The following SLC35F3 variants were observed in gnomAD, a reference collection of about 807,000 sequenced individuals.
SLC35F3 encodes the protein putative thiamine transporter SLC35F3.
SLC35F3 carries 25 observed loss-of-function variants against 49.9 expected under a neutral mutation model. That is an observed-to-expected ratio of 0.50 (90% confidence interval 0.37 to 0.70). The LOEUF (loss-of-function observed/expected upper bound fraction) is 0.70. Ranked by LOEUF, SLC35F3 falls within the 30% of genes least tolerant of loss-of-function variation. The probability of loss-of-function intolerance (pLI) is 0.00; values close to 1 mark genes in which losing one functional copy is unlikely to be tolerated. For missense variants in SLC35F3, 525 were observed against 639.8 expected, an observed-to-expected ratio of 0.82 and a Z score of 1.94; for synonymous variants, 275 against 265.4, an observed-to-expected ratio of 1.04 and a Z score of -0.35.
intron 2 of SLC35F3, among the ~76,000 whole-genome samples, chr1:233,936,385 A>G (rs973209759): frequency 2.6e-5 from 4 of 152,210 alleles, no homozygotes; most frequent in African/African-American, 9.6e-5. Context: ...CTGTATCATA[A>G]TATCGTCTCT....
intron 7 of SLC35F3, among the ~76,000 whole-genome samples, chr1:234,322,650 CGTGTGTGTGTGTGT>C (rs55827503): frequency 4.1e-5 from 6 of 144,960 alleles, no homozygotes; most frequent in South Asian, 2.3e-4. Flanking sequence ...GGGTCAAATG[CGTGTGTGTGTGTGT>C]GTGTGTGTGT....
chr1:233,960,309 C>A (rs1662773995), intron 2 of SLC35F3, among the ~76,000 whole-genome samples: 1 of 152,194 alleles, frequency 6.6e-6, no homozygotes, highest in African/African-American at 2.4e-5. Context: ...CAGGAGAAGA[C>A]ACAGTGAGGA....
chr1:234,166,087 T>C (rs1666314317), intron 2 of SLC35F3, among the ~76,000 whole-genome samples: 2 of 152,246 alleles, frequency 1.3e-5, no homozygotes, highest in African/African-American at 4.8e-5. Flanking sequence ...GCATTTTCTT[T>C]ATCCACTCAT....
chr1:234,149,371 C>G (rs1666039839), intron 2 of SLC35F3, among the ~76,000 whole-genome samples: 1 of 152,174 alleles, frequency 6.6e-6, no homozygotes. Flanking sequence ...CTCACAGCGC[C>G]CACATTTTTA....
intron 3 of SLC35F3, among the ~76,000 whole-genome samples, chr1:234,280,447 G>A (rs908851727): frequency 1.1e-4 from 17 of 152,162 alleles, no homozygotes; most frequent in Admixed American, 2.6e-4. Flanking sequence ...AGCTGAAACC[G>A]GTTTTCTGTT....
chr1:234,069,551 G>A (rs2358197), intron 2 of SLC35F3, among the ~76,000 whole-genome samples: 3,234 of 152,148 alleles, frequency 0.021, 123 homozygotes, highest in African/African-American at 0.074. Flanking sequence ...CACCGCACCC[G>A]GCTGAGATTT....
At chr1:234,107,887 G>A (rs1328643416) in intron 2 of SLC35F3, among the ~76,000 whole-genome samples, 1 of 152,058 alleles carries the variant, frequency 6.6e-6, no homozygotes, top group East Asian at 1.9e-4. Context: ...TAGACTGACT[G>A]AGCAACTCCC....
chr1:233,923,596 G>A (rs1284351469), intron 2 of SLC35F3, among the ~76,000 whole-genome samples: 1 of 152,126 alleles, frequency 6.6e-6, no homozygotes, highest in African/African-American at 2.4e-5. Context: ...TCTGCAAACA[G>A]GGACAATTTG....
intron 2 of SLC35F3, among the ~76,000 whole-genome samples, chr1:234,108,623 G>A (rs1665335580): frequency 9.0e-6 from 1 of 110,644 alleles, no homozygotes; most frequent in Non-Finnish European, 1.7e-5. Flanking sequence ...ATATATAAAA[G>A]ATATATATAT....
chr1:233,976,261 A>T (rs1214633107), intron 2 of SLC35F3, among the ~76,000 whole-genome samples: 1 of 152,234 alleles, frequency 6.6e-6, no homozygotes, highest in Non-Finnish European at 1.5e-5. Flanking sequence ...GAAAAAGCAG[A>T]AATTGTCACT....
At chr1:234,021,553 A>T (rs887263209) in intron 2 of SLC35F3, among the ~76,000 whole-genome samples, 2 of 152,220 alleles carry the variant, frequency 1.3e-5, no homozygotes, top group South Asian at 2.1e-4. Context: ...ATCAGGCCTG[A>T]TTGTATTAAT....
chr1:234,103,393 T>A (rs1665240714), intron 2 of SLC35F3, among the ~76,000 whole-genome samples: 1 of 151,162 alleles, frequency 6.6e-6, no homozygotes, highest in South Asian at 2.1e-4. Flanking sequence ...GGTCCCAGGG[T>A]GGGTGGGGAA....
chr1:233,907,998 T>G (rs1436813916), intron 2 of SLC35F3, among the ~76,000 whole-genome samples: 1 of 152,236 alleles, frequency 6.6e-6, no homozygotes, highest in African/African-American at 2.4e-5. Flanking sequence ...AGTGCTGGGA[T>G]TATAGGCGTG....
intron 2 of SLC35F3, among the ~76,000 whole-genome samples, chr1:234,117,910 ATATGTGTGTG>A (rs1421015011): frequency 8.8e-5 from 7 of 79,656 alleles, no homozygotes; most frequent in African/African-American, 3.0e-4. Context: ...AAAAGACTAT[ATATGTGTGTG>A]TGTGTGTGTG....
At chr1:234,308,472 T>C (rs943112726) in intron 3 of SLC35F3, among the ~76,000 whole-genome samples, 6 of 152,230 alleles carry the variant, frequency 3.9e-5, no homozygotes, top group African/African-American at 1.4e-4. Context: ...GATTTCTTTT[T>C]GTAGCTCATC....
chr1:234,043,342 T>A (rs1023496608), intron 2 of SLC35F3, among the ~76,000 whole-genome samples: 4 of 152,194 alleles, frequency 2.6e-5, no homozygotes, highest in African/African-American at 9.6e-5. Context: ...ATTTACAGTG[T>A]TTGAAATAAA....
At chr1:233,965,349 A>C (rs570358867) in intron 2 of SLC35F3, among the ~76,000 whole-genome samples, 4 of 152,244 alleles carry the variant, frequency 2.6e-5, no homozygotes, top group African/African-American at 9.6e-5. Flanking sequence ...TTTTATCCCT[A>C]TCTCCTGGTG....
chr1:234,076,652 G>A (rs566598571), intron 2 of SLC35F3, among the ~76,000 whole-genome samples: 14 of 151,938 alleles, frequency 9.2e-5, no homozygotes, highest in Non-Finnish European at 1.8e-4. Flanking sequence ...GTAGAGATGG[G>A]GTTTCACCAT....
intron 2 of SLC35F3, among the ~76,000 whole-genome samples, chr1:234,112,594 C>T (rs1190076943): frequency 4.3e-5 from 6 of 140,600 alleles, no homozygotes; most frequent in African/African-American, 1.6e-4. Context: ...CTCACTCTGT[C>T]ACCCAGGCTG....
Sources: gnomAD v4.1 joint callset for allele counts (sites outside exome capture counted in the v4.1 genomes callset) on GRCh38, gnomAD v4.1.1 for gene constraint, MANE v1.5 for transcripts, NCBI Gene and HGNC (gene_info 2026-07-23, HGNC 2026-07-21) for gene names.